ATR: variants seen among roughly 807,000 people sequenced by gnomAD.
The protein encoded by ATR is serine/threonine-protein kinase ATR.
ATR carries 142 observed loss-of-function variants against 305.3 expected under a neutral mutation model. The observed-to-expected ratio is 0.47, with a 90% confidence interval of 0.41 to 0.53. The LOEUF (loss-of-function observed/expected upper bound fraction) is 0.53, where lower values mean the gene tolerates loss of function less well. ATR is among the 20% of genes least tolerant of loss of function. ATR has a pLI of 0.00. For missense variants in ATR, 2,135 were observed against 3,133.1 expected, an observed-to-expected ratio of 0.68 and a Z score of 7.60; for synonymous variants, 1,050 against 1,068.1, an observed-to-expected ratio of 0.98 and a Z score of 0.33.
chr3:142,451,061 GA>G, intron 46 of ATR: 1 of 1,279,848 alleles, frequency 7.8e-7, no homozygotes, highest in Non-Finnish European at 1.0e-6. Flanking sequence ...GGAGCTCCAG[GA>G]AAATGGCCTG....
intron 17 of ATR, among the ~76,000 whole-genome samples, chr3:142,541,688 T>C (rs2034057380): frequency 1.3e-5 from 2 of 152,190 alleles, no homozygotes; most frequent in Non-Finnish European, 2.9e-5. Flanking sequence ...AAACTGTAGT[T>C]TTCTTAGATT....
chr3:142,493,435 G>A, intron 34 of ATR, 124 bp from the exon 35 acceptor site: 1 of 1,110,492 alleles, frequency 9.0e-7, no homozygotes, highest in Non-Finnish European at 1.3e-6. Flanking sequence ...TCTTTTACTT[G>A]CCTCTTATTA....
intron 21 of ATR, 144 bp from the exon 22 acceptor site, chr3:142,524,343 A>G (rs574578892): frequency 2.7e-6 from 2 of 747,610 alleles, no homozygotes; most frequent in South Asian, 1.8e-5. Flanking sequence ...TTTTTCAGCT[A>G]GTTTTTGATG....
intron 24 of ATR, among the ~76,000 whole-genome samples, chr3:142,517,099 T>C (rs923276455): frequency 6.6e-6 from 1 of 151,062 alleles, no homozygotes; most frequent in African/African-American, 2.4e-5. Context: ...AAAATTCAAA[T>C]CCCTATTTTG....
Position 142,519,727 on chromosome 3 carries a change from A to G in ATR, c.4324T>C (p.Leu1442=). 3.7e-6 allele frequency: 6 copies of G among 1,614,158 alleles called. No individual in the cohort carries two copies. Among genetic ancestry groups the G allele is most frequent in the Non-Finnish European group, 5.1e-6 (6 of 1,179,986 alleles). ...ACATGCTCAGGAAATCTCCTCCACA[A>G]TTGGTGACCTGGGCCGTTGGTCTCC... ...EMETNGPGHQ[L]WRRFPEHVRE... Residue 1442 remains leucine (L), a synonymous_variant, in exon 24 of 47, where the codon TTG becomes CTG. Coordinates refer to ENST00000350721, the MANE Select transcript of ATR (RefSeq NM_001184.4).
intron 3 of ATR, among the ~76,000 whole-genome samples, chr3:142,565,861 A>T (rs1026775942): frequency 6.6e-6 from 1 of 152,124 alleles, no homozygotes; most frequent in Non-Finnish European, 1.5e-5. Context: ...ATTACCAAAA[A>T]CAGAAAAAAG....
intron 8 of ATR, among the ~76,000 whole-genome samples, chr3:142,558,179 G>GA (rs1416773131): frequency 1.3e-5 from 2 of 151,580 alleles, no homozygotes; most frequent in South Asian, 2.1e-4. Flanking sequence ...TTTAATTATT[G>GA]AAAAAAATAT....
chr3:142,554,162 C>T, intron 10 of ATR, 147 bp from the exon 11 acceptor site: 1 of 596,546 alleles, frequency 1.7e-6, no homozygotes, highest in Non-Finnish European at 2.7e-6. Context: ...GTATAGCACA[C>T]AGAATTTTAG....
At chr3:142,474,863 T>C (rs2071395527) in intron 36 of ATR, among the ~76,000 whole-genome samples, 1 of 152,150 alleles carries the variant, frequency 6.6e-6, no homozygotes, top group South Asian at 2.1e-4. Flanking sequence ...GGGGTTATCA[T>C]ACATGGTCTT....
At chr3:142,571,578 G>C in intron 1 of ATR, among the ~76,000 whole-genome samples, 1 of 152,112 alleles carries the variant, frequency 6.6e-6, no homozygotes, top group East Asian at 1.9e-4. Context: ...TTCACAGTGG[G>C]TTATGTGTGA....
intron 36 of ATR, among the ~76,000 whole-genome samples, chr3:142,481,023 C>T (rs947700729): frequency 6.6e-6 from 1 of 152,258 alleles, no homozygotes; most frequent in South Asian, 2.1e-4. Context: ...TTCCCTGACC[C>T]CTTGCACTTC....
intron 36 of ATR, chr3:142,472,423 A>C (rs1241580724): frequency 6.6e-6 from 1 of 152,070 alleles, no homozygotes; most frequent in Non-Finnish European, 1.5e-5. Flanking sequence ...TATCCTCTCC[A>C]ATGCTTGTTA....
rs1313130618 is a variant in ATR, at chr3:142,493,299, G to A, written c.5911C>T (p.Gln1971Ter). 6.2e-7 allele frequency: 1 copy of A among 1,612,636 alleles called. No individual in the cohort carries two copies. Among genetic ancestry groups the A allele is most frequent in the Non-Finnish European group, 8.5e-7 (1 of 1,179,390 alleles). Reference sequence around the variant, plus strand: ...CCTTTTTGAAGAACAATTAGTGCCTGGTGAACATCACCCTAAAAGAAAAAA... The same window carrying A: ...CCTTTTTGAAGAACAATTAGTGCCTAGTGAACATCACCCTAAAAGAAAAAA... ...KWLWSKGDVHQALIVLQKGVE... is the reference protein window; with the variant it reads ...KWLWSKGDVH The change falls in exon 35 of 47, where the codon CAG becomes TAG. Residue 1971 changes from glutamine (Q) to a stop codon, truncating the protein, a stop_gained. Coordinates refer to ENST00000350721, the MANE Select transcript of ATR (RefSeq NM_001184.4). LOFTEE classifies it high-confidence loss of function.
Position 142,467,871 on chromosome 3 carries a change from C to A in ATR, c.6687+63G>T, listed in dbSNP as rs1382841688. The A allele has an allele frequency of 9.6e-6, 15 of 1,569,656 alleles. No individual in the cohort carries two copies. The East Asian group carries it at 2.9e-4, about 31-fold the overall frequency. ...AATTTAATTAATCAAATGAAAAAAT[C>A]TGCTCAAATTATATACATAATTACC... is the stretch of plus-strand genomic sequence containing the variant. On this transcript the variant is annotated intron_variant, in intron 39 of 46. Transcript: ENST00000350721.
At chr3:142,498,856 G>A (rs2031792912) in intron 31 of ATR, 82 bp from the exon 32 acceptor site, 5 of 1,360,228 alleles carry the variant, frequency 3.7e-6, no homozygotes, top group Non-Finnish European at 5.2e-6. Context: ...AAAATGGTCA[G>A]CTGAAATATC....
At chr3:142,535,985 G>C (rs529097345) in intron 20 of ATR, 123 bp downstream of exon 20, 2 of 702,470 alleles carry the variant, frequency 2.8e-6, no homozygotes, top group Admixed American at 2.7e-5. Context: ...CCAGGAATTA[G>C]CTATCAGAAT....
At chr3:142,549,857 T>C (rs1215595950) in intron 14 of ATR, among the ~76,000 whole-genome samples, 184 bp from the exon 15 acceptor site, 2 of 152,196 alleles carry the variant, frequency 1.3e-5, no homozygotes, top group Non-Finnish European at 2.9e-5. Context: ...TCCAACACCT[T>C]AGAAGCAGAA....
intron 24 of ATR, among the ~76,000 whole-genome samples, chr3:142,519,104 G>T (rs1385374944): frequency 6.6e-6 from 1 of 151,750 alleles, no homozygotes. Context: ...ATTTACTACC[G>T]ACCATTGAAC....
At chr3:142,531,551 C>T (rs945444713) in intron 21 of ATR, among the ~76,000 whole-genome samples, 2 of 152,106 alleles carry the variant, frequency 1.3e-5, no homozygotes, top group African/African-American at 4.8e-5. Context: ...TGATGGTTTC[C>T]AGCTTCATCC....
Sources: gnomAD v4.1 joint callset for allele counts (sites outside exome capture counted in the v4.1 genomes callset) on GRCh38, gnomAD v4.1.1 for gene constraint, MANE v1.5 for transcripts, NCBI Gene and HGNC (gene_info 2026-07-23, HGNC 2026-07-21) for gene names.